Variants in NSMCE1 observed in about 807,000 individuals in gnomAD.
NSMCE1 encodes the protein NSE1 component of SMC5/6 complex, also known as non-structural maintenance of chromosomes element 1 homolog.
In NSMCE1, 18 loss-of-function variants were observed where a neutral mutation model predicts 29.6. That is an observed-to-expected ratio of 0.61 (90% CI 0.42 to 0.90). The LOEUF (loss-of-function observed/expected upper bound fraction) is 0.90, where lower values mean the gene tolerates loss of function less well. Among genes scored for constraint, NSMCE1 ranks in the 40% least tolerant of loss-of-function variants. NSMCE1 has a pLI of 0.00. For synonymous variants in NSMCE1, 124 were observed against 133.4 expected, an observed-to-expected ratio of 0.93 and a Z score of 0.49; for missense variants, 314 against 343.6, an observed-to-expected ratio of 0.91 and a Z score of 0.68.
At chr16:27,228,869 G>A (rs1441545574) in intron 5 of NSMCE1, among the ~76,000 whole-genome samples, 17 of 58,944 alleles carry the variant, frequency 2.9e-4, no homozygotes, top group Admixed American at 2.0e-3. Flanking sequence ...CCACATCCCC[G>A]GCCACCGCCC....
intron 2 of NSMCE1, among the ~76,000 whole-genome samples, chr16:27,245,889 C>T (rs1404251445): frequency 6.6e-6 from 1 of 152,194 alleles, no homozygotes; most frequent in Non-Finnish European, 1.5e-5. Context: ...GGAAAATGTA[C>T]TTGGAGCCAG....
intron 5 of NSMCE1, among the ~76,000 whole-genome samples, chr16:27,228,897 C>T (rs1340029805): frequency 1.3e-5 from 2 of 151,496 alleles, no homozygotes; most frequent in African/African-American, 4.9e-5. Flanking sequence ...CCCTCCCCTA[C>T]AGATCCATCA....
chr16:27,250,849 T>C (rs1446497743), intron 2 of NSMCE1, among the ~76,000 whole-genome samples: 1 of 149,180 alleles, frequency 6.7e-6, no homozygotes, highest in Non-Finnish European at 1.5e-5. Flanking sequence ...AACTGTTTTT[T>C]TTTTTTTTTT....
intron 1 of NSMCE1, among the ~76,000 whole-genome samples, chr16:27,262,929 C>A (rs578221409): frequency 6.1e-4 from 92 of 151,966 alleles, no homozygotes; most frequent in Non-Finnish European, 1.2e-3. Flanking sequence ...ATGTGGTCAA[C>A]AAGCATATGA....
chr16:27,259,543 G>A (rs1408244615), intron 1 of NSMCE1, among the ~76,000 whole-genome samples: 1 of 152,152 alleles, frequency 6.6e-6, no homozygotes, highest in Non-Finnish European at 1.5e-5. Flanking sequence ...GTTTTAGGGA[G>A]ATTATCCTCT....
rs752386093 is a variant in NSMCE1 at position 27,225,228 on chromosome 16, C to A, written c.730G>T (p.Asp244Tyr). 35 of 1,600,300 alleles carry A rather than the reference C, an allele frequency of 2.2e-5. No homozygotes were observed. The highest frequency in any genetic ancestry group is 3.0e-5 in the Non-Finnish European group (35 of 1,170,546). ...CCAGACTCCCTCTCCTTCTCAGGGT[C>A]GAAGACTTCTGTAGACAGAAAAGGC... is the stretch of plus-strand genomic sequence containing the variant. Reference protein sequence around the residue: ...YWPHEIPKVFDPEKERESGVL... With the variant: ...YWPHEIPKVFYPEKERESGVL... The change falls in exon 8 of 8, where the codon GAC (aspartate) becomes TAC (tyrosine). Residue 244 changes from aspartate (D) to tyrosine (Y), a missense_variant. By Grantham distance (160) the Asp-to-Tyr change is radical. Transcript: ENST00000361439.
At chr16:27,257,611 C>T in intron 1 of NSMCE1, 30 bp from the exon 2 acceptor site, 1 of 1,570,410 alleles carries the variant, frequency 6.4e-7, no homozygotes, top group Non-Finnish European at 8.6e-7. Flanking sequence ...CACTAGTCAA[C>T]CCCAAGCACA....
intron 2 of NSMCE1, among the ~76,000 whole-genome samples, chr16:27,252,965 T>C (rs975905338): frequency 3.3e-5 from 5 of 151,990 alleles, no homozygotes; most frequent in Non-Finnish European, 5.9e-5. Flanking sequence ...AACGACAGGA[T>C]TTGAAGAGCT....
chr16:27,251,998 CT>C (rs2084040282), intron 2 of NSMCE1, among the ~76,000 whole-genome samples: 1 of 152,212 alleles, frequency 6.6e-6, no homozygotes. Flanking sequence ...TGGGTTTCCC[CT>C]GTGCCATGGC....
At chr16:27,227,943 G>A (rs374611067) in intron 5 of NSMCE1, among the ~76,000 whole-genome samples, 2 of 151,964 alleles carry the variant, frequency 1.3e-5, no homozygotes, top group East Asian at 3.9e-4. Context: ...GCGCCACCAC[G>A]CCTGGCTAAT....
intron 2 of NSMCE1, among the ~76,000 whole-genome samples, chr16:27,255,310 A>G (rs1215226793): frequency 1.3e-5 from 2 of 152,158 alleles, no homozygotes; most frequent in East Asian, 3.8e-4. Flanking sequence ...CACCACGGAG[A>G]TGGTTCTCAA....
chr16:27,236,292 CT>C lies in NSMCE1; in HGVS notation c.137-994del, dbSNP rs35108912. Among the ~76,000 whole-genome samples, 785 of 91,886 alleles carry C rather than the reference CT, an allele frequency of 8.5e-3. 1 individual carries two copies. The highest frequency in any genetic ancestry group is 0.019 in the African/African-American group (392 of 20,282). The allele number at this position is 91,886 out of a possible 152,430, so 60.3% of individuals were successfully genotyped here. A position where few individuals can be genotyped will look rare whatever the true frequency, so the allele number is the denominator to read the frequency against. ...GTTGTGTCCCTTTTATGCTGTGAAA[CT>C]TTTTTTTTTTTTTTTTTTTTTTTGA... On this transcript the variant is annotated intron_variant, in intron 2 of 7. Transcript: ENST00000361439.
At chr16:27,257,914 T>C (rs893907357) in intron 1 of NSMCE1, among the ~76,000 whole-genome samples, 9 of 152,306 alleles carry the variant, frequency 5.9e-5, no homozygotes, top group African/African-American at 2.2e-4. Context: ...TCTGCAGAAC[T>C]GCTACGAAGA....
chr16:27,227,359 G>A (rs75509025), intron 5 of NSMCE1, among the ~76,000 whole-genome samples: 3,927 of 152,362 alleles, frequency 0.026, 160 homozygotes, highest in African/African-American at 0.089. Flanking sequence ...GATGGAGCTG[G>A]AAGGAGTCTG....
At chr16:27,255,373 C>A (rs2084076330) in intron 2 of NSMCE1, among the ~76,000 whole-genome samples, 1 of 152,196 alleles carries the variant, frequency 6.6e-6, no homozygotes, top group Admixed American at 6.5e-5. Flanking sequence ...GAGGGCCACA[C>A]TGTCCGCAGA....
chr16:27,227,490 C>T (rs1255315009), intron 5 of NSMCE1, among the ~76,000 whole-genome samples: 2 of 152,298 alleles, frequency 1.3e-5, no homozygotes, highest in Non-Finnish European at 2.9e-5. Flanking sequence ...CCTGGGAGAG[C>T]CCGGAAGCAC....
intron 2 of NSMCE1, among the ~76,000 whole-genome samples, chr16:27,254,866 CTTTTTTTTTTTTTTTTTTTT>C (rs61088115): frequency 2.1e-5 from 1 of 46,896 alleles, no homozygotes; most frequent in Non-Finnish European, 3.6e-5. Flanking sequence ...TCCAACCATG[CTTTTTTTTTTTTTTTTTTTT>C]TTTTTTTTTT....
chr16:27,235,158 G>C lies in NSMCE1; in HGVS notation c.258+20C>G. The C allele has an allele frequency of 6.2e-7, 1 of 1,610,796 alleles. No individual in the cohort carries two copies. Among genetic ancestry groups the C allele is most frequent in the Non-Finnish European group, 8.5e-7 (1 of 1,179,198 alleles). On this transcript the variant is annotated intron_variant, in intron 3 of 7. Coordinates refer to ENST00000361439, the MANE Select transcript of NSMCE1 (RefSeq NM_145080.4). ...CCAGCTCCTCAAAAATGCCACTAGA[G>C]GGCTCTGCCGGGCACTCACCAACGC...
intron 1 of NSMCE1, among the ~76,000 whole-genome samples, chr16:27,260,792 G>A (rs1030376406): frequency 1.3e-5 from 2 of 149,494 alleles, no homozygotes; most frequent in African/African-American, 2.5e-5. Flanking sequence ...CTGGGAGGTC[G>A]AGGCTGCAGT....
Sources: allele counts gnomAD v4.1 joint callset (sites outside exome capture counted in the v4.1 genomes callset), GRCh38; gene constraint gnomAD v4.1.1; transcripts MANE v1.5; gene names NCBI Gene and HGNC (gene_info 2026-07-23, HGNC 2026-07-21).